The following CAD variants were observed in gnomAD, a reference collection of about 807,000 sequenced individuals.
CAD encodes the protein carbamoyl-phosphate synthetase 2, aspartate transcarbamylase, and dihydroorotase.
CAD carries 81 observed loss-of-function variants against 237.2 expected under a neutral mutation model. The observed-to-expected ratio is 0.34, with a 90% CI of 0.29 to 0.41. CAD has a LOEUF of 0.41. Ranked by LOEUF, CAD falls within the 10% of genes least tolerant of loss-of-function variation. The pLI, the probability that CAD is intolerant of heterozygous loss-of-function variation, is 1.00. For missense variants in CAD, 2,181 were observed against 2,951.7 expected (o/e 0.74, Z 6.05); for synonymous variants, 1,196 against 1,162.8 (o/e 1.03, Z -0.58).
In CAD at chr2:27,226,324, G is replaced by C; in HGVS notation, c.2031+5G>C. ...TTGAACCCTGAGTCTGAGCAGGTAA[G>C]CTCTAGGCCCTGGAACTGATAGTCT... On this transcript the variant is annotated splice_donor_5th_base_variant and intron_variant, in intron 13 of 43. Transcript: ENST00000264705. 6.2e-7 allele frequency: 1 copy of C among 1,613,576 alleles called. No individual in the cohort carries two copies. The highest frequency in any genetic ancestry group is 8.5e-7 in the Non-Finnish European group (1 of 1,179,532).
Position 27,226,894 on chromosome 2 carries a change from T to G in CAD, c.2219T>G (p.Ile740Ser), listed in dbSNP as rs775720132. 6.2e-7 allele frequency: 1 copy of G among 1,614,046 alleles called. No individual in the cohort carries two copies. Among genetic ancestry groups the G allele is most frequent in the Non-Finnish European group, 8.5e-7 (1 of 1,179,996 alleles). ...EPSVDYCVVK[I>S]PRWDLSKFLR... ...AGCGTGGATTATTGTGTGGTGAAGA[T>G]TCCTCGATGGGACCTTAGCAAGTTC... is the stretch of plus-strand genomic sequence containing the variant. Residue 740 changes from isoleucine to serine, a missense_variant, in exon 15 of 44, where the codon ATT (isoleucine) becomes AGT (serine). Physicochemically the swap from Ile to Ser is moderately radical, Grantham distance 142 (BLOSUM62 -2). This residue lies in a region of CAD where 385 missense variants were observed against 535.1 expected (regional missense o/e 0.72). Coordinates refer to ENST00000264705, the MANE Select transcript of CAD (RefSeq NM_004341.5).
rs1019602065 is a variant in CAD, at chr2:27,233,031, C to G, written c.2893-11C>G. ...CCTGACTGCTAAGTACCCTTCCCCT[C>G]CCTCTTGCAGATGGGATATAAGACC... is the stretch of plus-strand genomic sequence containing the variant. On this transcript the variant is annotated splice_polypyrimidine_tract_variant and intron_variant, in intron 18 of 43. Transcript: ENST00000264705. The surrounding 1 kb of genome is among the most constrained non-coding windows in gnomAD (Gnocchi z 6.3). The G allele has an allele frequency of 2.5e-6, 4 of 1,570,200 alleles. No homozygotes were observed. The highest frequency in any genetic ancestry group is 3.3e-5 in the Admixed American group (2 of 59,964).
intron 42 of CAD, 54 bp downstream of exon 42, chr2:27,243,027 A>G: frequency 1.3e-5 from 19 of 1,458,492 alleles, no homozygotes; most frequent in Non-Finnish European, 1.8e-5. Flanking sequence ...GGCATCAGAT[A>G]TGAGGACAGA....
At chr2:27,230,289 T>C (rs761110374) in intron 15 of CAD, among the ~76,000 whole-genome samples, 1 of 151,946 alleles carries the variant, frequency 6.6e-6, no homozygotes, top group Non-Finnish European at 1.5e-5. Context: ...TGGGAAAATG[T>C]ATGATGAGGA....
intron 15 of CAD, among the ~76,000 whole-genome samples, chr2:27,230,005 A>T (rs1034256045): frequency 6.6e-6 from 1 of 151,828 alleles, no homozygotes; most frequent in Non-Finnish European, 1.5e-5. Flanking sequence ...TGGGAGGCCG[A>T]GGCAGGTGGA....
At chr2:27,222,117 A>G in intron 3 of CAD, 77 bp from the exon 4 acceptor site, 2 of 1,444,380 alleles carry the variant, frequency 1.4e-6, no homozygotes, top group Non-Finnish European at 1.9e-6. Flanking sequence ...TCTGGAATGG[A>G]AGTGCTTCTG....
intron 15 of CAD, among the ~76,000 whole-genome samples, chr2:27,228,666 A>G (rs1675561840): frequency 6.6e-6 from 1 of 151,750 alleles, no homozygotes; most frequent in African/African-American, 2.4e-5. Flanking sequence ...ATCTCGGCTC[A>G]CCACAATCTC....
chr2:27,235,451 C>T lies in CAD; in HGVS notation c.3969+24C>T. The T allele has an allele frequency of 6.2e-7, 1 of 1,608,090 alleles. No homozygotes were observed. The highest frequency in any genetic ancestry group is 8.5e-7 in the Non-Finnish European group (1 of 1,175,840). ...AGGTATCAGAATCCAGGAGGGCTTC[C>T]CGAGGGCCGTGGCTCCCTGGGCCAG... is the stretch of plus-strand genomic sequence containing the variant. On this transcript the variant is annotated intron_variant, in intron 24 of 43. Transcript: ENST00000264705. The surrounding 1 kb of genome is among the most constrained non-coding windows in gnomAD (Gnocchi z 5.2).
At chr2:27,238,368 G>A in intron 30 of CAD, 63 bp from the exon 31 acceptor site, 1 of 1,497,634 alleles carries the variant, frequency 6.7e-7, no homozygotes, top group South Asian at 1.3e-5. Flanking sequence ...TTGGCCATTG[G>A]GACTTTGTGT....
chr2:27,226,472 C>A, intron 13 of CAD, 53 bp from the exon 14 acceptor site: 1 of 1,594,678 alleles, frequency 6.3e-7, no homozygotes. Context: ...CTTTCTGAGA[C>A]CTCTCCTAGA....
chr2:27,232,994 A>G lies in CAD; in HGVS notation c.2893-48A>G. 1 of 1,269,640 alleles carries G rather than the reference A, an allele frequency of 7.9e-7. No individual in the cohort carries two copies. The highest frequency in any genetic ancestry group is 1.2e-5 in the South Asian group (1 of 83,534). 78.6% of individuals were successfully genotyped at this position (1,269,640 alleles called of 1,614,324 possible). On this transcript the variant is annotated intron_variant, in intron 18 of 43. Coordinates refer to ENST00000264705, the MANE Select transcript of CAD (RefSeq NM_004341.5). The surrounding 1 kb of genome is among the most constrained non-coding windows in gnomAD (Gnocchi z 4.1). ...TAGTTTCTCCACGATTTTCTCCACGATTTTCCTCCCACCTGACTGCTAAGT... is the reference window on the plus strand; with the variant it reads ...TAGTTTCTCCACGATTTTCTCCACGGTTTTCCTCCCACCTGACTGCTAAGT...
At chr2:27,221,504 CAGAA>C (rs1456809636) in intron 3 of CAD, among the ~76,000 whole-genome samples, 157 bp downstream of exon 3, 1 of 152,146 alleles carries the variant, frequency 6.6e-6, no homozygotes, top group African/African-American at 2.4e-5. Flanking sequence ...AACTATCACT[CAGAA>C]AGAAAATTTC....
At chr2:27,230,551 A>G (rs1448853643) in intron 15 of CAD, among the ~76,000 whole-genome samples, 1 of 152,086 alleles carries the variant, frequency 6.6e-6, no homozygotes, top group East Asian at 1.9e-4. Context: ...TCTTGAACCC[A>G]GGAAGCAGAG....
At position 27,222,698 on chromosome 2, in the gene CAD, A is replaced by T. The variant is rs188063431; in HGVS notation, c.637+38A>T. On this transcript the variant is annotated intron_variant, in intron 5 of 43. Coordinates refer to ENST00000264705, the MANE Select transcript of CAD (RefSeq NM_004341.5). Reference sequence around the variant, plus strand: ...GGCCTGTTCAGGGCCTCAGACAAGCAGCTTGGGTGGAAGATCTATCCCTTG... The same window carrying T: ...GGCCTGTTCAGGGCCTCAGACAAGCTGCTTGGGTGGAAGATCTATCCCTTG... 2.5e-3 allele frequency: 3,944 copies of T among 1,601,928 alleles called. 9 individuals carry two copies. The highest frequency in any genetic ancestry group is 3.0e-3 in the Non-Finnish European group (3,546 of 1,170,978).
chr2:27,219,260 T>G (rs980338134), intron 2 of CAD, among the ~76,000 whole-genome samples: 1 of 152,244 alleles, frequency 6.6e-6, no homozygotes, highest in African/African-American at 2.4e-5. Flanking sequence ...TGAATGCAGT[T>G]TAAATATGCT....
chr2:27,221,270 G>C lies in CAD; in HGVS notation c.275G>C (p.Cys92Ser), dbSNP rs758155015. ...HVAALVVGEC[C>S]PTPSHWSATR... The stretch of plus-strand genomic sequence containing the variant: ...GCAGCACTGGTAGTGGGAGAGTGCT[G>C]TCCTACTCCCAGCCACTGGAGTGCC... The change falls in exon 3 of 44, where the codon TGT becomes TCT. Residue 92 changes from cysteine to serine, a missense_variant. Around this residue, in one of 12 missense-constraint regions of CAD, gnomAD observed 314 missense variants for 339.4 expected, o/e 0.93. Transcript: ENST00000264705. 7 of 1,593,424 alleles carry C rather than the reference G, an allele frequency of 4.4e-6. No homozygotes were observed. In the South Asian group the frequency reaches 5.7e-5, roughly 13 times the overall value.
At position 27,235,227 on chromosome 2, in the gene CAD, T is replaced by C; in HGVS notation, c.3787-18T>C. 6.3e-7 allele frequency: 1 copy of C among 1,586,784 alleles called. No individual in the cohort carries two copies. The highest frequency in any genetic ancestry group is 1.1e-5 in the South Asian group (1 of 86,962). The stretch of plus-strand genomic sequence containing the variant: ...CCTCTCACACCTTGGCCCTCTCTCT[T>C]CCCTCCCGCCCCTTTAGGTGCCTCA... On this transcript the variant is annotated intron_variant, in intron 23 of 43. Coordinates refer to ENST00000264705, the MANE Select transcript of CAD (RefSeq NM_004341.5). This position sits in a 1 kb window ranked among gnomAD's most constrained non-coding sequence, Gnocchi z 5.2.
Position 27,237,551 on chromosome 2 carries a change from C to A in CAD, c.4563+6C>A. The A allele has an allele frequency of 6.2e-7, 1 of 1,611,318 alleles. No individual in the cohort carries two copies. ...CTCTGGCCCTGGCCCAGAAGGTGAG[C>A]CACTGCACTCTTCCTGGTATTGGAG... On this transcript the variant is annotated splice_donor_region_variant and intron_variant, in intron 28 of 43. Coordinates refer to ENST00000264705, the MANE Select transcript of CAD (RefSeq NM_004341.5). This position sits in a 1 kb window ranked among gnomAD's most constrained non-coding sequence, Gnocchi z 4.0.
chr2:27,224,803 C>T lies in CAD; in HGVS notation c.1313C>T (p.Ala438Val). ...ACGTTGCTGATCAACCCCAATATTG[C>T]CACAGTGCAGACCTCCCAGGGGCTG... ...IQTLLINPNI[A>V]TVQTSQGLAD... Residue 438 changes from alanine to valine, a missense_variant, in exon 10 of 44, where the codon GCC becomes GTC. By Grantham distance (64) the Ala-to-Val change is moderately conservative (BLOSUM62 0). This residue lies in a region of CAD where 174 missense variants were observed against 215.8 expected (regional missense o/e 0.81). Transcript: ENST00000264705. 6.2e-7 allele frequency: 1 copy of T among 1,614,084 alleles called. No individual in the cohort carries two copies. Among genetic ancestry groups the T allele is most frequent in the Non-Finnish European group, 8.5e-7 (1 of 1,179,928 alleles).
Sources: allele counts gnomAD v4.1 joint callset (sites outside exome capture counted in the v4.1 genomes callset), GRCh38; gene constraint gnomAD v4.1.1; regional missense constraint gnomAD v4.1.1; non-coding constraint Gnocchi (gnomAD v3.1); transcripts MANE v1.5; gene names NCBI Gene and HGNC (gene_info 2026-07-23, HGNC 2026-07-21).